Variants in AEN observed in about 807,000 individuals in gnomAD.
The protein encoded by AEN is apoptosis enhancing nuclease.
AEN carries 21 observed loss-of-function variants against 17.7 expected under a neutral mutation model. That is an observed-to-expected ratio of 1.19 (90% confidence interval 0.84 to 1.71). AEN has a LOEUF of 1.71. Ranked by LOEUF, AEN falls within the 40% of genes most tolerant of loss-of-function variation. AEN has a pLI of 0.00. For missense variants in AEN, 462 were observed against 435.9 expected, an observed-to-expected ratio of 1.06 and a Z score of -0.53; for synonymous variants, 190 against 173.0, an observed-to-expected ratio of 1.10 and a Z score of -0.77.
the AEN span, chr15:88,611,833 A>G: frequency 9.6e-6 from 5 of 519,426 alleles, no homozygotes; most frequent in African/African-American, 3.9e-5. Flanking sequence ...GCCTGGATAC[A>G]GAGTGGACCG....
intron 1 of AEN, among the ~76,000 whole-genome samples, chr15:88,623,119 T>G (rs181861583): frequency 6.6e-6 from 1 of 152,328 alleles, no homozygotes; most frequent in East Asian, 1.9e-4. Context: ...GGCATTGGGC[T>G]TCTTAGGCTT....
intron 2 of AEN, 40 bp from the exon 3 acceptor site, chr15:88,629,186 G>T: frequency 6.2e-7 from 1 of 1,605,246 alleles, no homozygotes; most frequent in Non-Finnish European, 8.5e-7. Flanking sequence ...AACCTGATGG[G>T]GTGTGGGGTG....
chr15:88,612,850 C>G, the AEN span, among the ~76,000 whole-genome samples: 4 of 152,112 alleles, frequency 2.6e-5, no homozygotes, highest in African/African-American at 9.7e-5. Context: ...ATCTGCCCAC[C>G]TCGGTCTCCC....
intron 2 of AEN, 42 bp from the exon 3 acceptor site, chr15:88,629,184 G>C: frequency 6.3e-7 from 1 of 1,599,916 alleles, no homozygotes; most frequent in Non-Finnish European, 8.6e-7. Flanking sequence ...CCAACCTGAT[G>C]GGGTGTGGGG....
intron 1 of AEN, among the ~76,000 whole-genome samples, chr15:88,623,955 T>G (rs1223154090): frequency 1.3e-5 from 2 of 152,242 alleles, no homozygotes; most frequent in Non-Finnish European, 2.9e-5. Flanking sequence ...TTAGTCCTTT[T>G]TAAGGCCTTT....
At chr15:88,605,410 C>T in the AEN span, among the ~76,000 whole-genome samples, 6 of 152,204 alleles carry the variant, frequency 3.9e-5, 1 homozygote, top group Admixed American at 3.9e-4. The surrounding 1 kb of genome is among the most constrained non-coding windows in gnomAD (Gnocchi z 7.6). Flanking sequence ...TGCAGAAGAG[C>T]AGCTGGGTTC....
intron 1 of AEN, among the ~76,000 whole-genome samples, chr15:88,624,815 G>A (rs1020313441): frequency 6.6e-6 from 1 of 151,932 alleles, no homozygotes; most frequent in East Asian, 1.9e-4. Context: ...GCCGGGAGGC[G>A]GAGGTTGCAG....
chr15:88,627,039 T>A, intron 2 of AEN: 1 of 383,904 alleles, frequency 2.6e-6, no homozygotes, highest in Non-Finnish European at 4.8e-6. Context: ...GTTATAAAAG[T>A]TGTACGCATT....
chr15:88,631,109 A>G lies in AEN; in HGVS notation c.*815A>G, dbSNP rs2057922385. 2.2e-6 allele frequency: 1 copy of G among 456,586 alleles called. No homozygotes were observed. Among genetic ancestry groups the G allele is most frequent in the Non-Finnish European group, 4.4e-6 (1 of 226,946 alleles). 28.3% of individuals were successfully genotyped at this position (456,586 alleles called of 1,614,324 possible). On this transcript the variant is annotated 3_prime_UTR_variant, in exon 4 of 4. Coordinates refer to ENST00000332810, the MANE Select transcript of AEN (RefSeq NM_022767.4). ...AATCAGGGATTTCCCCAGTCCACCC[A>G]GTACTGGGCTCTTAAGCAAAAGTCT...
At chr15:88,610,103 A>T in the AEN span, among the ~76,000 whole-genome samples, 3 of 152,232 alleles carry the variant, frequency 2.0e-5, no homozygotes, top group South Asian at 6.2e-4. Flanking sequence ...TAGCTTGTCT[A>T]TTACTTCTCA....
chr15:88,629,123 C>G (rs985637120), intron 2 of AEN, 103 bp from the exon 3 acceptor site: 3 of 1,180,554 alleles, frequency 2.5e-6, no homozygotes, highest in African/African-American at 1.5e-5. Flanking sequence ...TGCCTCCCCC[C>G]ACAGGGATCC....
chr15:88,628,437 C>T (rs1383553058), intron 2 of AEN: 3 of 151,602 alleles, frequency 2.0e-5, no homozygotes, highest in African/African-American at 7.3e-5. Context: ...TGGGCGTGGC[C>T]TCCCTGGTGT....
chr15:88,629,551 C>A, intron 3 of AEN, 125 bp downstream of exon 3: 1 of 1,191,766 alleles, frequency 8.4e-7, no homozygotes, highest in Non-Finnish European at 1.2e-6. Context: ...AGTCCAGGTC[C>A]AGGGACCTTG....
the AEN span, among the ~76,000 whole-genome samples, chr15:88,615,554 A>G: frequency 1.1e-4 from 16 of 152,216 alleles, no homozygotes; most frequent in Admixed American, 2.0e-4. Flanking sequence ...TCTCCAACAC[A>G]ATGGATCCTA....
chr15:88,608,287 G>C, the AEN span: 7 of 377,240 alleles, frequency 1.9e-5, no homozygotes, highest in African/African-American at 6.2e-5. Flanking sequence ...TCAGGATCTG[G>C]AATTGACTTT....
At chr15:88,610,999 G>A in the AEN span, among the ~76,000 whole-genome samples, 1 of 152,132 alleles carries the variant, frequency 6.6e-6, no homozygotes, top group South Asian at 2.1e-4. Context: ...ACTGGGCCAG[G>A]ATTCCACCAG....
Position 88,630,655 on chromosome 15 carries a change from G to T in AEN, c.*361G>T. 1 of 297,318 alleles carries T rather than the reference G, an allele frequency of 3.4e-6. No homozygotes were observed. The highest frequency in any genetic ancestry group is 6.6e-6 in the Non-Finnish European group (1 of 151,628). 18.4% of individuals were successfully genotyped at this position (297,318 alleles called of 1,614,324 possible). ...CCCCCCAGATCTCCTGAGTCATCAT[G>T]CTGTGCTAATGAAAGGGATCATATC... On this transcript the variant is annotated 3_prime_UTR_variant, in exon 4 of 4. Transcript: ENST00000332810. The surrounding 1 kb of genome is among the most constrained non-coding windows in gnomAD (Gnocchi z 5.1).
the AEN span, among the ~76,000 whole-genome samples, chr15:88,607,249 C>G: frequency 6.6e-6 from 1 of 152,190 alleles, no homozygotes; most frequent in Non-Finnish European, 1.5e-5. Flanking sequence ...CTTCTTCCTC[C>G]CCAGCATCGC....
chr15:88,613,590 G>GT, the AEN span, among the ~76,000 whole-genome samples: 1 of 151,850 alleles, frequency 6.6e-6, no homozygotes, highest in African/African-American at 2.4e-5. Context: ...GCATCTCGGG[G>GT]GGGGATGTGG....
Sources: allele counts gnomAD v4.1 joint callset (sites outside exome capture counted in the v4.1 genomes callset), GRCh38; gene constraint gnomAD v4.1.1; non-coding constraint Gnocchi (gnomAD v3.1); transcripts MANE v1.5; gene names NCBI Gene and HGNC (gene_info 2026-07-23, HGNC 2026-07-21).